The following DPY19L3 variants were observed in gnomAD, a reference collection of about 807,000 sequenced individuals.
The protein encoded by DPY19L3 is dpy-19 like C-mannosyltransferase 3, also known as protein C-mannosyl-transferase DPY19L3.
In DPY19L3, 51 loss-of-function variants were observed where a neutral mutation model predicts 92.3. The observed-to-expected ratio is 0.55, with a 90% CI of 0.44 to 0.70. The LOEUF (loss-of-function observed/expected upper bound fraction) is 0.70. DPY19L3 is among the 30% of genes least tolerant of loss of function. The pLI, the probability that DPY19L3 is intolerant of heterozygous loss-of-function variation, is 0.00. For missense variants in DPY19L3, 706 were observed against 855.9 expected, an observed-to-expected ratio of 0.82 and a Z score of 2.18; for synonymous variants, 309 against 315.2, an observed-to-expected ratio of 0.98 and a Z score of 0.21.
At chr19:32,415,592 G>C (rs927526343) in intron 3 of DPY19L3, among the ~76,000 whole-genome samples, 3 of 152,182 alleles carry the variant, frequency 2.0e-5, no homozygotes, top group African/African-American at 7.2e-5. Flanking sequence ...CGATGTCATC[G>C]TATTGGCGTT....
chr19:32,462,509 T>C (rs1037117877), intron 12 of DPY19L3, among the ~76,000 whole-genome samples: 4 of 147,918 alleles, frequency 2.7e-5, no homozygotes, highest in African/African-American at 1.0e-4. Flanking sequence ...TGAAGTGTTC[T>C]TGCCAAAAAA....
At chr19:32,474,990 T>C (rs1163541525) in intron 16 of DPY19L3, among the ~76,000 whole-genome samples, 1 of 152,178 alleles carries the variant, frequency 6.6e-6, no homozygotes, top group Non-Finnish European at 1.5e-5. Context: ...TATAACTCCC[T>C]AGAGGGCAGT....
chr19:32,460,898 C>T (rs1286966806), intron 12 of DPY19L3, among the ~76,000 whole-genome samples: 2 of 122,308 alleles, frequency 1.6e-5, no homozygotes, highest in Non-Finnish European at 3.4e-5. Context: ...AAATGCATCT[C>T]GCTCTTGCCT....
chr19:32,417,683 C>T (rs1475223331), intron 3 of DPY19L3, among the ~76,000 whole-genome samples: 8 of 152,212 alleles, frequency 5.3e-5, no homozygotes, highest in South Asian at 4.1e-4. Context: ...CCATGTAAGA[C>T]TTAACTTTGC....
intron 10 of DPY19L3, among the ~76,000 whole-genome samples, chr19:32,456,263 C>G (rs1255955472): frequency 1.3e-5 from 2 of 151,760 alleles, no homozygotes; most frequent in Non-Finnish European, 2.9e-5. Context: ...TTTGTAGAGA[C>G]AAGGTTTTGC....
intron 15 of DPY19L3, chr19:32,468,024 T>G (rs1241117266): frequency 2.0e-6 from 2 of 984,908 alleles, no homozygotes; most frequent in East Asian, 2.3e-4. Context: ...ATTATATTAA[T>G]ATATGTCAAA....
At chr19:32,412,292 C>T (rs1968211719) in intron 3 of DPY19L3, 1 of 151,524 alleles carries the variant, frequency 6.6e-6, no homozygotes, top group Non-Finnish European at 1.5e-5. Context: ...TCATGAGTAA[C>T]ATTTTTCTTA....
chr19:32,468,278 C>T (rs992322941), intron 15 of DPY19L3: 6 of 985,854 alleles, frequency 6.1e-6, no homozygotes, highest in Non-Finnish European at 7.2e-6. Flanking sequence ...TATTCTAAAG[C>T]ATTTTTGCAG....
chr19:32,455,918 C>A (rs1282498775), intron 10 of DPY19L3, among the ~76,000 whole-genome samples: 1 of 151,944 alleles, frequency 6.6e-6, no homozygotes, highest in African/African-American at 2.4e-5. Flanking sequence ...ACATTGGTAT[C>A]TTCAGATACT....
rs1970726417 is a variant in DPY19L3, at chr19:32,483,420, G to A, written c.*1180G>A. ...TTATATAATTAATTTCTAATGATGAGGACATGTAAAAGTTGCCAGTAAGAA... is the reference window on the plus strand; with the variant it reads ...TTATATAATTAATTTCTAATGATGAAGACATGTAAAAGTTGCCAGTAAGAA... On this transcript the variant is annotated 3_prime_UTR_variant, in exon 19 of 19. Transcript: ENST00000392250. 1.3e-5 allele frequency: 2 copies of A among 152,526 alleles called. No homozygotes were observed. The highest frequency in any genetic ancestry group is 6.6e-5 in the Admixed American group (1 of 15,266). 9.4% of individuals were successfully genotyped at this position (152,526 alleles called of 1,614,324 possible).
intron 10 of DPY19L3, among the ~76,000 whole-genome samples, chr19:32,457,323 A>G (rs927903755): frequency 1.3e-5 from 2 of 152,200 alleles, no homozygotes; most frequent in Non-Finnish European, 2.9e-5. Flanking sequence ...TCTTCCGAGC[A>G]ACTGTTTTGT....
At chr19:32,408,002 T>A (rs1186066711) in intron 1 of DPY19L3, among the ~76,000 whole-genome samples, 1 of 151,978 alleles carries the variant, frequency 6.6e-6, no homozygotes, top group African/African-American at 2.4e-5. Context: ...GTGGATCACC[T>A]GAGCCTGTGG....
At chr19:32,429,149 CTGTACAGT>C in intron 3 of DPY19L3, among the ~76,000 whole-genome samples, 1 of 152,202 alleles carries the variant, frequency 6.6e-6, no homozygotes, top group East Asian at 1.9e-4. Flanking sequence ...ACCCGGCCAG[CTGTACAGT>C]TCTTTATAAA....
intron 8 of DPY19L3, among the ~76,000 whole-genome samples, chr19:32,451,986 AC>A (rs1969715717): frequency 6.6e-6 from 1 of 151,818 alleles, no homozygotes; most frequent in East Asian, 1.9e-4. Context: ...TTGCACCACT[AC>A]ACCTGGCTAG....
intron 16 of DPY19L3, 108 bp from the exon 17 acceptor site, chr19:32,477,414 C>T: frequency 7.0e-7 from 1 of 1,423,258 alleles, no homozygotes; most frequent in Non-Finnish European, 9.6e-7. Flanking sequence ...TGACTCGTAA[C>T]ACTTGGTAAC....
Position 32,435,258 on chromosome 19 carries a change from ATTACCT to A in DPY19L3, c.329-1187_329-1182del, listed in dbSNP as rs1568335721. On this transcript the variant is annotated intron_variant, in intron 4 of 18. Coordinates refer to ENST00000392250, the MANE Select transcript of DPY19L3 (RefSeq NM_001172774.2). ...ACCCATGTGACCTCACTTACCCTTT[ATTACCT>A]CCTGTAGGCCCTGTCTCCAAGAACA... Among the ~76,000 whole-genome samples the A allele has an allele frequency of 6.6e-5, 10 of 152,176 alleles. No homozygotes were observed. The South Asian group carries it at 1.0e-3, about 16-fold the overall frequency.
At chr19:32,472,423 T>C (rs928648639) in intron 16 of DPY19L3, among the ~76,000 whole-genome samples, 2 of 152,282 alleles carry the variant, frequency 1.3e-5, no homozygotes, top group East Asian at 3.9e-4. Context: ...CTCTCCACGC[T>C]ACACCGATGC....
chr19:32,468,550 A>T (rs1397900643), intron 15 of DPY19L3, 181 bp from the exon 16 acceptor site: 2 of 1,246,654 alleles, frequency 1.6e-6, no homozygotes, highest in South Asian at 3.1e-5. Flanking sequence ...GAAACTTCCC[A>T]GGCGCTAGTT....
rs901250193 is a variant in DPY19L3, at chr19:32,457,605, A to G, written c.1090-495A>G. Among the ~76,000 whole-genome samples, 8 of 152,206 alleles carry G rather than the reference A, an allele frequency of 5.3e-5. 1 individual carries two copies. Among genetic ancestry groups the G allele is most frequent in the Admixed American group, 3.9e-4 (6 of 15,284 alleles). On this transcript the variant is annotated intron_variant, in intron 10 of 18. Transcript: ENST00000392250. ...GTAATCACTAATGATGAACACTCATATTTGTCTGTCCACCCCTTCAGGGTT... is the reference window on the plus strand; with the variant it reads ...GTAATCACTAATGATGAACACTCATGTTTGTCTGTCCACCCCTTCAGGGTT...
Sources: gnomAD v4.1 joint callset for allele counts (sites outside exome capture counted in the v4.1 genomes callset) on GRCh38, gnomAD v4.1.1 for gene constraint, MANE v1.5 for transcripts, NCBI Gene and HGNC (gene_info 2026-07-23, HGNC 2026-07-21) for gene names.